The following UNC5B variants were observed in gnomAD, a reference collection of about 807,000 sequenced individuals.
UNC5B encodes netrin receptor UNC5B.
Under a neutral mutation model 103.7 loss-of-function variants are expected in UNC5B, and 56 were observed. That is an observed-to-expected ratio of 0.54 (90% CI 0.44 to 0.67). The LOEUF is 0.67. Among genes scored for constraint, UNC5B ranks in the 30% least tolerant of loss-of-function variants. The pLI, the probability that UNC5B is intolerant of heterozygous loss-of-function variation, is 0.00. For synonymous variants in UNC5B, 577 were observed against 542.0 expected, an observed-to-expected ratio of 1.06 and a Z score of -0.90; for missense variants, 1,194 against 1,284.5, an observed-to-expected ratio of 0.93 and a Z score of 1.08.
chr10:71,284,436 C>T (rs1845010122), intron 2 of UNC5B, among the ~76,000 whole-genome samples: 1 of 152,170 alleles, frequency 6.6e-6, no homozygotes, highest in Admixed American at 6.5e-5. Flanking sequence ...CATGAAGGGT[C>T]TCATAACGGG....
intron 1 of UNC5B, among the ~76,000 whole-genome samples, chr10:71,254,471 C>T (rs958537918): frequency 3.3e-5 from 5 of 152,210 alleles, no homozygotes; most frequent in Admixed American, 6.5e-5. Context: ...AGAGTCCACA[C>T]GACAGTGTGG....
At chr10:71,236,595 C>T (rs1053006858) in intron 1 of UNC5B, among the ~76,000 whole-genome samples, 1 of 152,178 alleles carries the variant, frequency 6.6e-6, no homozygotes, top group Non-Finnish European at 1.5e-5. Context: ...GAGCTGGGAC[C>T]CAGGGCCCTC....
In UNC5B at chr10:71,274,108, A is replaced by G. The variant is rs1426688479; in HGVS notation, c.80-5713A>G. On this transcript the variant is annotated intron_variant, in intron 1 of 16. Transcript: ENST00000335350. The stretch of plus-strand genomic sequence containing the variant: ...CTGGGTGCGGTGGCTCATGCCTGTA[A>G]TCCCAGCACTTTGGGAGGCCAAGGC... Among the ~76,000 whole-genome samples the G allele has an allele frequency of 3.9e-5, 6 of 152,338 alleles. No homozygotes were observed. The East Asian group carries it at 1.2e-3, about 29-fold the overall frequency.
intron 1 of UNC5B, among the ~76,000 whole-genome samples, chr10:71,225,093 T>C (rs1381080615): frequency 2.6e-5 from 4 of 152,080 alleles, no homozygotes; most frequent in Non-Finnish European, 5.9e-5. Flanking sequence ...GGACTAGGAG[T>C]CTGGAATCTC....
intron 12 of UNC5B, 27 bp from the exon 13 acceptor site, chr10:71,293,673 C>T: frequency 6.3e-7 from 1 of 1,598,392 alleles, no homozygotes; most frequent in Admixed American, 1.7e-5. Context: ...ACTGTGACCA[C>T]TACCCCACCC....
chr10:71,228,268 A>C (rs73276349), intron 1 of UNC5B, among the ~76,000 whole-genome samples: 5,367 of 152,298 alleles, frequency 0.035, 301 homozygotes, highest in African/African-American at 0.11. Flanking sequence ...AAACATGGGT[A>C]AATTCCTTTT....
At position 71,229,746 on chromosome 10, in the gene UNC5B, G is replaced by A. The variant is rs532977449; in HGVS notation, c.79+16682G>A. Among the ~76,000 whole-genome samples the A allele has an allele frequency of 3.9e-5, 6 of 152,302 alleles. No individual in the cohort carries two copies. In the South Asian group the frequency reaches 8.3e-4, roughly 21 times the overall value. The stretch of plus-strand genomic sequence containing the variant: ...AGTTGTTGTGCTTCTGGGGCAGGGC[G>A]TGTAGTTCTCAGAGCTTCTTAGGAA... On this transcript the variant is annotated intron_variant, in intron 1 of 16. Coordinates refer to ENST00000335350, the MANE Select transcript of UNC5B (RefSeq NM_170744.5).
chr10:71,289,122 C>A (rs1317461613), intron 8 of UNC5B, 132 bp downstream of exon 8: 9 of 1,180,554 alleles, frequency 7.6e-6, no homozygotes, highest in Admixed American at 4.3e-5. Context: ...GGATCATCTA[C>A]ACCTGACACT....
chr10:71,301,716 T>C lies in UNC5B; in HGVS notation c.*2439T>C, dbSNP rs1396357398. 6.6e-6 allele frequency: 1 copy of C among 152,280 alleles called. No homozygotes were observed. Among genetic ancestry groups the C allele is most frequent in the Non-Finnish European group, 1.5e-5 (1 of 68,058 alleles). 9.4% of individuals were successfully genotyped at this position (152,280 alleles called of 1,614,324 possible). A position where few individuals can be genotyped will look rare whatever the true frequency, so the allele number is the denominator to read the frequency against. ...AAGACCAAGAATCAACTTGCAAATC[T>C]GCCATTAAACTGCTGTGCGACTTCA... On this transcript the variant is annotated 3_prime_UTR_variant, in exon 17 of 17. Transcript: ENST00000335350.
intron 10 of UNC5B, 135 bp downstream of exon 10, chr10:71,291,956 G>C: frequency 1.5e-6 from 2 of 1,330,120 alleles, no homozygotes; most frequent in Non-Finnish European, 2.0e-6. Flanking sequence ...CTGAAGGCAG[G>C]AAGTGAGTAT....
At chr10:71,267,176 T>C (rs1844541988) in intron 1 of UNC5B, among the ~76,000 whole-genome samples, 1 of 152,202 alleles carries the variant, frequency 6.6e-6, no homozygotes, top group South Asian at 2.1e-4. Context: ...CTTTGGTGTT[T>C]CCAACAGCCC....
chr10:71,282,165 G>T (rs1375816759), intron 2 of UNC5B, among the ~76,000 whole-genome samples: 1 of 152,240 alleles, frequency 6.6e-6, no homozygotes, highest in Non-Finnish European at 1.5e-5. Flanking sequence ...AATGGGCAGA[G>T]CTTCCTTGGC....
intron 5 of UNC5B, among the ~76,000 whole-genome samples, chr10:71,287,284 G>C (rs908677559): frequency 2.0e-5 from 3 of 152,200 alleles, no homozygotes; most frequent in Non-Finnish European, 2.9e-5. Context: ...CTTGTGCTAG[G>C]TTCCAGCTGC....
intron 1 of UNC5B, among the ~76,000 whole-genome samples, chr10:71,222,420 T>C (rs1843470745): frequency 6.6e-6 from 1 of 152,212 alleles, no homozygotes; most frequent in African/African-American, 2.4e-5. Flanking sequence ...TTCCACCACC[T>C]TCACCAGGTG....
At chr10:71,241,277 G>A (rs1843894776) in intron 1 of UNC5B, among the ~76,000 whole-genome samples, 1 of 152,184 alleles carries the variant, frequency 6.6e-6, no homozygotes, top group Non-Finnish European at 1.5e-5. Flanking sequence ...GGCCTGAGAA[G>A]CTTGGTGGGT....
At chr10:71,290,880 C>G (rs1589198430) in intron 8 of UNC5B, 35 bp from the exon 9 acceptor site, 1 of 1,586,180 alleles carries the variant, frequency 6.3e-7, no homozygotes, top group African/African-American at 1.3e-5. Context: ...GGCCTGGTCT[C>G]TGCTGCCCCT....
intron 7 of UNC5B, 69 bp downstream of exon 7, chr10:71,288,801 G>A (rs557536800): frequency 2.0e-5 from 30 of 1,538,346 alleles, no homozygotes; most frequent in East Asian, 1.4e-4. Context: ...CCCCAAACCC[G>A]GCCCCATGCC....
At chr10:71,243,178 T>C (rs1843945969) in intron 1 of UNC5B, among the ~76,000 whole-genome samples, 1 of 152,070 alleles carries the variant, frequency 6.6e-6, no homozygotes. Flanking sequence ...GAGGTTGCAG[T>C]GAACTCAGAT....
intron 1 of UNC5B, among the ~76,000 whole-genome samples, chr10:71,216,927 G>A (rs1843341954): frequency 6.6e-6 from 1 of 152,242 alleles, no homozygotes; most frequent in Non-Finnish European, 1.5e-5. Flanking sequence ...CCCGTCTTTT[G>A]ACCCTCAGAG....
Sources: allele counts gnomAD v4.1 joint callset (sites outside exome capture counted in the v4.1 genomes callset), GRCh38; gene constraint gnomAD v4.1.1; transcripts MANE v1.5; gene names NCBI Gene and HGNC (gene_info 2026-07-23, HGNC 2026-07-21).